The following RNF128 variants were observed in gnomAD, a reference collection of about 807,000 sequenced individuals.
RNF128 encodes the protein E3 ubiquitin-protein ligase RNF128.
Under a neutral mutation model 26.2 loss-of-function variants are expected in RNF128, and 13 were observed. That is an observed-to-expected ratio of 0.50 (90% CI 0.32 to 0.79). The LOEUF is 0.79. Ranked by LOEUF, RNF128 falls within the 30% of genes least tolerant of loss-of-function variation. The probability of loss-of-function intolerance (pLI) is 0.03; values close to 1 mark genes in which losing one functional copy is unlikely to be tolerated. For synonymous variants in RNF128, 149 were observed against 142.5 expected, an observed-to-expected ratio of 1.05 and a Z score of -0.32; for missense variants, 315 against 349.7, an observed-to-expected ratio of 0.90 and a Z score of 0.79.
chrX:106,794,631 C>G (rs1930883387), intron 6 of RNF128, among the ~76,000 whole-genome samples: 1 of 110,876 alleles, frequency 9.0e-6, no homozygotes. Flanking sequence ...AACGGGCATG[C>G]TTATTGCTAC....
At position 106,786,301 on chromosome X, in the gene RNF128, G is replaced by A. The variant is rs1326296652; in HGVS notation, c.804+1165G>A. Among the ~76,000 whole-genome samples the A allele has an allele frequency of 1.8e-5, 2 of 111,640 alleles. 1 individual carries two copies. The highest frequency in any genetic ancestry group is 1.9e-4 in the Admixed American group (2 of 10,434). ...TGGTCAGTTGATTTTCCATAAAAGT[G>A]CAAAAGCAATTCAATGAAGAAAGGA... On this transcript the variant is annotated intron_variant, in intron 3 of 6. Transcript: ENST00000255499.
intron 1 of RNF128, among the ~76,000 whole-genome samples, chrX:106,707,123 T>C (rs1389363706): frequency 1.8e-5 from 2 of 111,404 alleles, no homozygotes. Flanking sequence ...ATTCCTGAAT[T>C]CCTAACTATT....
chrX:106,746,088 G>C (rs1929790339), intron 1 of RNF128, among the ~76,000 whole-genome samples: 1 of 111,293 alleles, frequency 9.0e-6, no homozygotes, highest in African/African-American at 3.3e-5. Context: ...GTTCATTCTG[G>C]ATATCAGCAA....
At chrX:106,737,062 T>A (rs1929613110) in intron 1 of RNF128, among the ~76,000 whole-genome samples, 1 of 111,489 alleles carries the variant, frequency 9.0e-6, no homozygotes, top group Non-Finnish European at 1.9e-5. Flanking sequence ...CTGTCTCACC[T>A]TTTCCATGTA....
At chrX:106,741,642 G>A (rs942392031) in intron 1 of RNF128, among the ~76,000 whole-genome samples, 9 of 111,760 alleles carry the variant, frequency 8.1e-5, no homozygotes, top group Non-Finnish European at 1.3e-4. Context: ...GAGAGAGGAC[G>A]CACACCTTAG....
chrX:106,767,520 G>C (rs1451745100), intron 1 of RNF128, among the ~76,000 whole-genome samples: 2 of 111,520 alleles, frequency 1.8e-5, no homozygotes, highest in Non-Finnish European at 3.8e-5. Flanking sequence ...CTGTTTGTCT[G>C]TTATTGGTGT....
intron 1 of RNF128, among the ~76,000 whole-genome samples, chrX:106,711,575 A>G (rs1205010626): frequency 8.9e-6 from 1 of 112,233 alleles, no homozygotes; most frequent in Non-Finnish European, 1.9e-5. Context: ...ATGACACAGC[A>G]TTTTTTTGTT....
intron 1 of RNF128, among the ~76,000 whole-genome samples, chrX:106,739,677 G>C (rs1222894726): frequency 2.7e-5 from 3 of 111,783 alleles, no homozygotes; most frequent in African/African-American, 9.7e-5. Context: ...ATAGTGAAAA[G>C]ATAAGGACAT....
chrX:106,783,184 C>G (rs1030537618), intron 2 of RNF128, among the ~76,000 whole-genome samples: 3 of 111,311 alleles, frequency 2.7e-5, no homozygotes, highest in Non-Finnish European at 5.7e-5. Context: ...AATACTTTGG[C>G]TAATATTCTC....
chrX:106,741,122 TTAATA>T (rs1929694228), intron 1 of RNF128, among the ~76,000 whole-genome samples: 1 of 111,976 alleles, frequency 8.9e-6, no homozygotes, highest in Non-Finnish European at 1.9e-5. Context: ...CATAAAAATT[TTAATA>T]TAATTACAGA....
chrX:106,700,108 A>C (rs2147656975), intron 1 of RNF128, among the ~76,000 whole-genome samples: 1 of 108,060 alleles, frequency 9.3e-6, no homozygotes, highest in Admixed American at 1.0e-4. Flanking sequence ...TGAAGTCTCG[A>C]ACTCCCTGGG....
chrX:106,747,192 G>A (rs765109505), intron 1 of RNF128, among the ~76,000 whole-genome samples: 23 of 111,440 alleles, frequency 2.1e-4, no homozygotes, highest in Non-Finnish European at 3.8e-4. Context: ...TTTATAGTTT[G>A]TGTTAATGAT....
chrX:106,695,119 T>TA (rs1928854739), intron 1 of RNF128, among the ~76,000 whole-genome samples: 1 of 111,292 alleles, frequency 9.0e-6, no homozygotes, highest in Non-Finnish European at 1.9e-5. Flanking sequence ...TTTATTTATT[T>TA]AAAAAAACAG....
At chrX:106,706,372 A>G (rs1194650856) in intron 1 of RNF128, among the ~76,000 whole-genome samples, 1 of 107,446 alleles carries the variant, frequency 9.3e-6, no homozygotes, top group African/African-American at 3.7e-5. Context: ...CCTCAAATAA[A>G]TGCTTCCTTA....
At chrX:106,788,752 A>T (rs1167916676) in intron 4 of RNF128, among the ~76,000 whole-genome samples, 1 of 70,311 alleles carries the variant, frequency 1.4e-5, no homozygotes, top group Admixed American at 2.5e-4. Context: ...TACATAGTAT[A>T]CTATATAATA....
Position 106,791,210 on chromosome X carries a change from C to T in RNF128, c.1129C>T (p.Leu377=). 8.3e-7 allele frequency: 1 copy of T among 1,208,756 alleles called. No individual in the cohort carries two copies. The highest frequency in any genetic ancestry group is 2.3e-4 in the Middle Eastern group (1 of 4,330). ...ASVQGTDEPP[L]EEHVQSTNES... is the part of the protein sequence containing the mutation. ...AGTACAGGGAACAGATGAACCGCCT[C>T]TGGAGGAACACGTGCAGTCAACAAG... The change falls in exon 6 of 7, where the codon CTG becomes TTG. Residue 377 remains leucine (L), a synonymous_variant. Coordinates refer to ENST00000255499, the MANE Select transcript of RNF128 (RefSeq NM_194463.2).
chrX:106,784,112 T>C (rs1930610349), intron 2 of RNF128, among the ~76,000 whole-genome samples: 1 of 112,025 alleles, frequency 8.9e-6, no homozygotes, highest in African/African-American at 3.2e-5. Context: ...CTTCAATTCA[T>C]ATGTATATTA....
chrX:106,746,421 A>G (rs923735994), intron 1 of RNF128, among the ~76,000 whole-genome samples: 1 of 111,362 alleles, frequency 9.0e-6, no homozygotes, highest in Non-Finnish European at 1.9e-5. Context: ...AAAAAGGTCC[A>G]GAGGCACAGA....
intron 1 of RNF128, among the ~76,000 whole-genome samples, chrX:106,767,704 A>G (rs1226838602): frequency 9.0e-6 from 1 of 111,279 alleles, no homozygotes; most frequent in Non-Finnish European, 1.9e-5. Flanking sequence ...AATACTCTTT[A>G]TTTCCTTCTC....
Sources: gnomAD v4.1 joint callset for allele counts (sites outside exome capture counted in the v4.1 genomes callset) on GRCh38, gnomAD v4.1.1 for gene constraint, MANE v1.5 for transcripts, NCBI Gene and HGNC (gene_info 2026-07-23, HGNC 2026-07-21) for gene names.